Variants in CFAP45 observed in about 807,000 individuals in gnomAD.
CFAP45 encodes cilia and flagella associated protein 45.
A neutral mutation model predicts 75.6 loss-of-function variants in CFAP45; 43 were observed. That is an observed-to-expected ratio of 0.57 (90% CI 0.45 to 0.73). CFAP45 has a LOEUF of 0.73. CFAP45 is among the 30% of genes least tolerant of loss of function. CFAP45 has a pLI of 0.00. For synonymous variants in CFAP45, 223 were observed against 244.6 expected, an observed-to-expected ratio of 0.91 and a Z score of 0.82; for missense variants, 689 against 701.5, an observed-to-expected ratio of 0.98 and a Z score of 0.20.
rs762291486 is a variant in CFAP45, at chr1:159,876,570, G to A, written c.1338C>T (p.Phe446=). The part of the protein sequence containing the change: ...AVQVQRDRDE[F]ERILRAQREQ... ...GCCCCTCCTACCGAAGAATCCTCTC[G>A]AACTCATCCCGGTCCCGTTGCACCT... The change falls in exon 10 of 12, where the codon TTC becomes TTT. Residue 446 remains phenylalanine, a synonymous_variant. Coordinates refer to ENST00000368099, the MANE Select transcript of CFAP45 (RefSeq NM_012337.3). 4 of 1,613,430 alleles carry A rather than the reference G, an allele frequency of 2.5e-6. No individual in the cohort carries two copies. The highest frequency in any genetic ancestry group is 3.3e-4 in the Middle Eastern group (2 of 6,062).
intron 6 of CFAP45, 71 bp from the exon 7 acceptor site, chr1:159,884,636 A>G (rs1571184161): frequency 6.7e-7 from 1 of 1,487,638 alleles, no homozygotes; most frequent in Non-Finnish European, 9.1e-7. Flanking sequence ...ACCTCCACCT[A>G]AACAACCCCC....
intron 5 of CFAP45, among the ~76,000 whole-genome samples, chr1:159,887,425 C>T (rs1346560750): frequency 1.3e-5 from 2 of 152,174 alleles, no homozygotes; most frequent in Non-Finnish European, 2.9e-5. Context: ...TTGGGTACTC[C>T]AAAAGCATCC....
intron 1 of CFAP45, 122 bp from the exon 2 acceptor site, chr1:159,893,427 G>C: frequency 1.1e-6 from 1 of 923,872 alleles, no homozygotes; most frequent in Non-Finnish European, 1.7e-6. Flanking sequence ...AAACAGTTAG[G>C]GAAAGCGGCT....
intron 1 of CFAP45, chr1:159,898,377 A>C (rs544690097): frequency 4.3e-6 from 1 of 234,678 alleles, no homozygotes; most frequent in African/African-American, 2.3e-5. Context: ...AGTCTGCCTA[A>C]TTGTGACCCT....
intron 2 of CFAP45, among the ~76,000 whole-genome samples, chr1:159,891,908 A>G (rs1038734927): frequency 6.6e-6 from 1 of 152,236 alleles, no homozygotes; most frequent in African/African-American, 2.4e-5. Context: ...TGGAGAACTC[A>G]GCCAATTCCA....
chr1:159,891,002 G>T (rs532946992), intron 2 of CFAP45, among the ~76,000 whole-genome samples: 2 of 152,016 alleles, frequency 1.3e-5, no homozygotes, highest in Non-Finnish European at 2.9e-5. Context: ...CAGATGATCC[G>T]CCCGCCTGGG....
At chr1:159,878,823 G>A (rs1303712699) in intron 8 of CFAP45, among the ~76,000 whole-genome samples, 1 of 133,428 alleles carries the variant, frequency 7.5e-6, no homozygotes, top group African/African-American at 2.8e-5. Context: ...CTTCTGTGAA[G>A]CCCAGTGAGT....
At chr1:159,874,043 C>G (rs899062196) in intron 10 of CFAP45, among the ~76,000 whole-genome samples, 2 of 152,118 alleles carry the variant, frequency 1.3e-5, no homozygotes, top group Non-Finnish European at 2.9e-5. Flanking sequence ...GAAACCTCTT[C>G]CACAAAAATA....
At position 159,888,398 on chromosome 1, in the gene CFAP45, A is replaced by G. The variant is rs149228386; in HGVS notation, c.371T>C (p.Leu124Pro). The G allele has an allele frequency of 6.0e-5, 97 of 1,612,624 alleles. No homozygotes were observed. In the African/African-American group the frequency reaches 1.2e-3, roughly 21 times the overall value. ...CTTGAAGGCCTGGTCCCTGGCCTCA[A>G]GTTCTTCTCTGGTCAGGACATGGGA... ...WASHVLTREE[L>P]EARDQAFKKE... Residue 124 changes from leucine to proline, a missense_variant, in exon 4 of 12, where the codon CTT (leucine) becomes CCT (proline). Leu to Pro is a moderately conservative substitution (Grantham distance 98). Transcript: ENST00000368099.
At chr1:159,888,071 C>A in intron 4 of CFAP45, 60 bp from the exon 5 acceptor site, 1 of 1,556,630 alleles carries the variant, frequency 6.4e-7, no homozygotes, top group Non-Finnish European at 8.8e-7. Context: ...GCCCTGGGCG[C>A]TAGCCTGGCT....
rs187028282 is a variant in CFAP45, at chr1:159,878,474, G to A, written c.1045-1012C>T. On this transcript the variant is annotated intron_variant, in intron 8 of 11. Transcript: ENST00000368099. Reference sequence around the variant, plus strand: ...GTGACATTTATAAAGAATCTTCCCGGCCAGGCATGGTGGCTCATGCCTGTA... The same window carrying A: ...GTGACATTTATAAAGAATCTTCCCGACCAGGCATGGTGGCTCATGCCTGTA... Among the ~76,000 whole-genome samples, 5 of 152,178 alleles carry A rather than the reference G, an allele frequency of 3.3e-5. No homozygotes were observed. The East Asian group carries it at 9.7e-4, about 29-fold the overall frequency.
At chr1:159,891,041 G>A (rs1162310335) in intron 2 of CFAP45, among the ~76,000 whole-genome samples, 1 of 152,156 alleles carries the variant, frequency 6.6e-6, no homozygotes, top group African/African-American at 2.4e-5. Flanking sequence ...TTACAGGCGT[G>A]AGCCACCATG....
rs1198312014 is a variant in CFAP45, at chr1:159,884,477, T to G, written c.856A>C (p.Met286Leu). The G allele has an allele frequency of 1.1e-5, 18 of 1,613,854 alleles. No homozygotes were observed. Among genetic ancestry groups the G allele is most frequent in the Non-Finnish European group, 1.5e-5 (18 of 1,179,916 alleles). ...AEQREQEKEQMLEYMEQLQEE... is the reference protein window; with the variant it reads ...AEQREQEKEQLLEYMEQLQEE... ...TGGAGCTGTTCCATATATTCCAGCA[T>G]CTGCTCCTTCTCCTGCTCCCGCTGC... The change falls in exon 7 of 12, where the codon ATG (methionine) becomes CTG (leucine). Residue 286 changes from methionine (M) to leucine (L), a missense_variant. Coordinates refer to ENST00000368099, the MANE Select transcript of CFAP45 (RefSeq NM_012337.3).
In CFAP45 at chr1:159,890,565, G is replaced by A. The variant is rs137867949; in HGVS notation, c.187C>T (p.Leu63Phe). 1 of 1,614,030 alleles carries A rather than the reference G, an allele frequency of 6.2e-7. No individual in the cohort carries two copies. The highest frequency in any genetic ancestry group is 1.3e-5 in the African/African-American group (1 of 75,012). Reference protein sequence around the residue: ...PIVLLRDKHTLQKTLTALGLD... With the variant: ...PIVLLRDKHTFQKTLTALGLD... ...CCCAAAGCAGTGAGAGTTTTTTGAAGGGTATGCTTATCTCGGAGCAGCACA... is the reference window on the plus strand; with the variant it reads ...CCCAAAGCAGTGAGAGTTTTTTGAAAGGTATGCTTATCTCGGAGCAGCACA... Residue 63 changes from leucine to phenylalanine, a missense_variant, in exon 3 of 12, where the codon CTT becomes TTT. Physicochemically the swap from Leu to Phe is conservative, Grantham distance 22. Coordinates refer to ENST00000368099, the MANE Select transcript of CFAP45 (RefSeq NM_012337.3).
chr1:159,890,245 A>G (rs1261714606), intron 3 of CFAP45, among the ~76,000 whole-genome samples: 1 of 152,230 alleles, frequency 6.6e-6, no homozygotes, highest in African/African-American at 2.4e-5. Context: ...AAGGAAGGAC[A>G]ATGAAGCTGA....
At chr1:159,885,700 T>C (rs1261678841) in intron 6 of CFAP45, among the ~76,000 whole-genome samples, 1 of 152,120 alleles carries the variant, frequency 6.6e-6, no homozygotes, top group African/African-American at 2.4e-5. Flanking sequence ...CTGTCCGCAA[T>C]GAGCGTAGCA....
At chr1:159,877,253 C>G (rs1466379141) in intron 9 of CFAP45, 96 bp downstream of exon 9, 1 of 892,596 alleles carries the variant, frequency 1.1e-6, no homozygotes, top group African/African-American at 1.6e-5. Context: ...TCCTTTCCTC[C>G]GCATCTCCAC....
At chr1:159,876,835 ACT>A (rs1341940455) in intron 9 of CFAP45, 86 bp from the exon 10 acceptor site, 2 of 1,244,746 alleles carry the variant, frequency 1.6e-6, no homozygotes. Flanking sequence ...CTACTTACAG[ACT>A]CTGACAGTCT....
chr1:159,890,909 C>T (rs1420840703), intron 2 of CFAP45, among the ~76,000 whole-genome samples: 2 of 152,070 alleles, frequency 1.3e-5, no homozygotes, highest in Non-Finnish European at 2.9e-5. Context: ...CAGGCGACCA[C>T]CACCATGCCT....
Sources: allele counts gnomAD v4.1 joint callset (sites outside exome capture counted in the v4.1 genomes callset), GRCh38; gene constraint gnomAD v4.1.1; transcripts MANE v1.5; gene names NCBI Gene and HGNC (gene_info 2026-07-23, HGNC 2026-07-21).